Variants in PCDHA6 observed in about 807,000 individuals in gnomAD.
The protein encoded by PCDHA6 is protocadherin alpha 6.
A neutral mutation model predicts 60.3 loss-of-function variants in PCDHA6; 55 were observed. The observed-to-expected ratio is 0.91, with a 90% confidence interval of 0.73 to 1.14. The LOEUF (loss-of-function observed/expected upper bound fraction) is 1.14. Ranked by LOEUF, PCDHA6 falls within the 50% of genes most tolerant of loss-of-function variation. PCDHA6 has a pLI of 0.00. For missense variants in PCDHA6, 1,327 were observed against 1,256.5 expected (o/e 1.06, Z -0.85); for synonymous variants, 652 against 557.9 (o/e 1.17, Z -2.38).
chr5:140,943,057 G>A (rs907618778), intron 1 of PCDHA6, among the ~76,000 whole-genome samples: 2 of 151,996 alleles, frequency 1.3e-5, no homozygotes, highest in African/African-American at 4.8e-5. Context: ...AGGAGTTCAA[G>A]AACAGCCTGA....
At chr5:140,913,667 G>A (rs2076425699) in intron 1 of PCDHA6, among the ~76,000 whole-genome samples, 2 of 152,000 alleles carry the variant, frequency 1.3e-5, no homozygotes, top group South Asian at 2.1e-4. Flanking sequence ...GTATAGTTAG[G>A]TTATTTAAAA....
At chr5:140,842,387 T>C (rs2150335066) in intron 1 of PCDHA6, 1 of 1,611,016 alleles carries the variant, frequency 6.2e-7, no homozygotes, top group Admixed American at 1.7e-5. Flanking sequence ...GACTTCCTTA[T>C]CCTTGCCTGT....
chr5:140,848,365 A>T, intron 1 of PCDHA6: 1 of 1,070,202 alleles, frequency 9.3e-7, no homozygotes, highest in Non-Finnish European at 1.4e-6. Flanking sequence ...CATGGGAAAG[A>T]GGCTCAATTC....
intron 1 of PCDHA6, chr5:140,968,416 G>A: frequency 1.2e-6 from 2 of 1,613,992 alleles, no homozygotes; most frequent in Non-Finnish European, 1.7e-6. Context: ...TGACTGTGGA[G>A]GCTCAGGACA....
intron 1 of PCDHA6, chr5:140,870,876 G>T: frequency 1.2e-6 from 2 of 1,613,958 alleles, no homozygotes; most frequent in Non-Finnish European, 1.7e-6. Flanking sequence ...ACGTGGTGGC[G>T]AAGGTGCGCG....
chr5:140,961,510 T>C (rs1201672141), intron 1 of PCDHA6, among the ~76,000 whole-genome samples: 1 of 152,246 alleles, frequency 6.6e-6, no homozygotes, highest in Non-Finnish European at 1.5e-5. Context: ...CTTTGTTTAA[T>C]GTCTCCACAA....
chr5:140,902,180 A>G (rs991898675), intron 1 of PCDHA6, among the ~76,000 whole-genome samples: 2 of 140,608 alleles, frequency 1.4e-5, no homozygotes, highest in East Asian at 4.1e-4. Context: ...GATGTCCTTT[A>G]TGTCTTCTCT....
intron 1 of PCDHA6, chr5:140,928,602 GC>G: frequency 1.2e-6 from 2 of 1,614,176 alleles, no homozygotes; most frequent in Non-Finnish European, 1.7e-6. Flanking sequence ...TGGAAATTGT[GC>G]CCCGCTCTGC....
chr5:140,859,882 T>C (rs2046069596), intron 1 of PCDHA6: 1 of 152,016 alleles, frequency 6.6e-6, no homozygotes, highest in Admixed American at 6.6e-5. Context: ...CTCTGATATT[T>C]TGAAAAAAAA....
chr5:140,945,425 G>T (rs246059), intron 1 of PCDHA6, among the ~76,000 whole-genome samples: 85,681 of 151,722 alleles, frequency 0.56, 24,785 homozygotes, highest in African/African-American at 0.69. Flanking sequence ...TTTCAATGAA[G>T]TTTTTACAGA....
intron 1 of PCDHA6, chr5:140,926,720 T>C (rs2083499438): frequency 2.0e-6 from 2 of 1,002,404 alleles, no homozygotes; most frequent in Non-Finnish European, 2.7e-6. Flanking sequence ...GCCCCGGCAA[T>C]GCCGGCGTTC....
In PCDHA6 at chr5:140,876,831, T is replaced by G. The variant is rs201991889; in HGVS notation, c.2394+46346T>G. Reference sequence around the variant, plus strand: ...TGGCCGACGTGAACGACAATGCGCCTGCGTTCGCGCAGCCCGAGTACACAG... The same window carrying G: ...TGGCCGACGTGAACGACAATGCGCCGGCGTTCGCGCAGCCCGAGTACACAG... On this transcript the variant is annotated intron_variant, in intron 1 of 3. Coordinates refer to ENST00000529310, the MANE Select transcript of PCDHA6 (RefSeq NM_018909.4). 1.5e-4 allele frequency: 250 copies of G among 1,614,080 alleles called. 4 individuals are homozygous for G. In the East Asian group the frequency reaches 3.4e-3, roughly 22 times the overall value.
intron 1 of PCDHA6, among the ~76,000 whole-genome samples, chr5:140,932,571 A>G (rs1308740705): frequency 1.3e-5 from 2 of 151,926 alleles, no homozygotes; most frequent in African/African-American, 4.8e-5. Context: ...AGACTTTCCC[A>G]TAGGGTAATT....
rs571034520 is a variant in PCDHA6 at position 140,922,140 on chromosome 5, A to G, written c.2395-56809A>G. ...CACCTTTAAATGTCTCTTATCCTCC[A>G]TGAAACTCATCAAAAACAACAAAAA... On this transcript the variant is annotated intron_variant, in intron 1 of 3. Coordinates refer to ENST00000529310, the MANE Select transcript of PCDHA6 (RefSeq NM_018909.4). Among the ~76,000 whole-genome samples the G allele has an allele frequency of 6.6e-5, 10 of 152,202 alleles. No individual in the cohort carries two copies. The East Asian group carries it at 1.9e-3, about 29-fold the overall frequency.
At chr5:140,857,102 A>G in intron 1 of PCDHA6, 1 of 1,597,722 alleles carries the variant, frequency 6.3e-7, no homozygotes, top group Non-Finnish European at 8.6e-7. Context: ...GGTGATTGTC[A>G]CTTCTCTGTC....
rs190430510 is a variant in PCDHA6, at chr5:140,858,745, C to G, written c.2394+28260C>G. ...TTCTGACGATTTACTTTCATAATCACTTTTCGTTACAAATATTTGTGAGAT... is the reference window on the plus strand; with the variant it reads ...TTCTGACGATTTACTTTCATAATCAGTTTTCGTTACAAATATTTGTGAGAT... On this transcript the variant is annotated intron_variant, in intron 1 of 3. Coordinates refer to ENST00000529310, the MANE Select transcript of PCDHA6 (RefSeq NM_018909.4). 215 of 461,666 alleles carry G rather than the reference C, an allele frequency of 4.7e-4. 2 individuals are homozygous for G. In the East Asian group the frequency reaches 5.3e-3, roughly 11 times the overall value. The allele number at this position is 461,666 out of a possible 1,614,324, so 28.6% of individuals were successfully genotyped here.
chr5:140,876,954 G>T (rs1554169149), intron 1 of PCDHA6: 1 of 1,613,432 alleles, frequency 6.2e-7, no homozygotes, highest in Non-Finnish European at 8.5e-7. Context: ...CCTACTCGCT[G>T]GTGGAGCGGC....
Position 140,856,446 on chromosome 5 carries a change from C to T in PCDHA6, c.2394+25961C>T. On this transcript the variant is annotated intron_variant, in intron 1 of 3. Coordinates refer to ENST00000529310, the MANE Select transcript of PCDHA6 (RefSeq NM_018909.4). ...ATTAACGACAACCCGCCCAGGTTCTCCGTAACAGAACAAAAGCTCTCAATA... is the reference window on the plus strand; with the variant it reads ...ATTAACGACAACCCGCCCAGGTTCTTCGTAACAGAACAAAAGCTCTCAATA... 1.9e-6 allele frequency: 3 copies of T among 1,598,398 alleles called. 1 individual carries two copies. Among genetic ancestry groups the T allele is most frequent in the Non-Finnish European group, 8.6e-7 (1 of 1,167,936 alleles).
At chr5:140,893,634 T>C (rs2064095604) in intron 1 of PCDHA6, among the ~76,000 whole-genome samples, 1 of 152,236 alleles carries the variant, frequency 6.6e-6, no homozygotes, top group Admixed American at 6.5e-5. Flanking sequence ...CTGCTTGGTA[T>C]AGTATTTTTG....
Sources: gnomAD v4.1 joint callset for allele counts (sites outside exome capture counted in the v4.1 genomes callset) on GRCh38, gnomAD v4.1.1 for gene constraint, MANE v1.5 for transcripts, NCBI Gene and HGNC (gene_info 2026-07-23, HGNC 2026-07-21) for gene names.